SERINC5: variants seen among roughly 807,000 people sequenced by gnomAD.
The protein encoded by SERINC5 is serine incorporator 5.
A neutral mutation model predicts 63.1 loss-of-function variants in SERINC5; 41 were observed. The ratio of observed to expected loss-of-function variants is 0.65; its 90% CI spans 0.51 to 0.84. SERINC5 has a LOEUF of 0.84. Among genes scored for constraint, SERINC5 ranks in the 40% least tolerant of loss-of-function variants. SERINC5 has a pLI of 0.00. For missense variants in SERINC5, 523 were observed against 573.0 expected (o/e 0.91, Z 0.89); for synonymous variants, 222 against 215.2 (o/e 1.03, Z -0.28).
chr5:80,200,492 AC>A (rs71594664), intron 2 of SERINC5, among the ~76,000 whole-genome samples: 19 of 151,482 alleles, frequency 1.3e-4, no homozygotes, highest in African/African-American at 2.9e-4. Context: ...TCTCAAAAAA[AC>A]AAAAGAAAAG....
chr5:80,155,630 G>C (rs1244047752), intron 8 of SERINC5, among the ~76,000 whole-genome samples: 2 of 151,260 alleles, frequency 1.3e-5, no homozygotes, highest in African/African-American at 4.9e-5. Context: ...AGAATGCCAG[G>C]TGTCATGGTT....
At chr5:80,215,785 C>A (rs1368633663) in intron 1 of SERINC5, among the ~76,000 whole-genome samples, 1 of 152,156 alleles carries the variant, frequency 6.6e-6, no homozygotes, top group Non-Finnish European at 1.5e-5. Flanking sequence ...GTATCTCCAG[C>A]CACCAGAACC....
intron 1 of SERINC5, among the ~76,000 whole-genome samples, chr5:80,232,227 AC>A (rs567908298): frequency 2.9e-4 from 42 of 145,070 alleles, no homozygotes; most frequent in Admixed American, 9.0e-4. Context: ...ACACCGTAAA[AC>A]CCTGTCTCTA....
intron 9 of SERINC5, among the ~76,000 whole-genome samples, chr5:80,149,017 A>G (rs76581218): frequency 1.3e-5 from 2 of 152,338 alleles, no homozygotes; most frequent in East Asian, 3.9e-4. Context: ...AAGTTACCAT[A>G]AGAAACTATG....
intron 11 of SERINC5, among the ~76,000 whole-genome samples, chr5:80,117,370 T>A (rs1311868660): frequency 6.6e-6 from 1 of 152,022 alleles, no homozygotes; most frequent in African/African-American, 2.4e-5. Flanking sequence ...TTAACTGAGG[T>A]GATCTAGGCA....
chr5:80,232,128 G>GC, intron 1 of SERINC5, among the ~76,000 whole-genome samples: 1 of 149,504 alleles, frequency 6.7e-6, no homozygotes, highest in African/African-American at 2.5e-5. Flanking sequence ...AAAAAGGCCG[G>GC]GCAAGGTGGC....
chr5:80,190,525 A>G (rs1749117062), intron 2 of SERINC5, among the ~76,000 whole-genome samples: 1 of 152,202 alleles, frequency 6.6e-6, no homozygotes, highest in African/African-American at 2.4e-5. Flanking sequence ...ATTCCCAACT[A>G]CTATGTGCAG....
intron 8 of SERINC5, among the ~76,000 whole-genome samples, chr5:80,155,345 A>G (rs1746449588): frequency 6.6e-6 from 1 of 152,172 alleles, no homozygotes; most frequent in Non-Finnish European, 1.5e-5. Flanking sequence ...CGGGCGGATC[A>G]CCTGAGGTTG....
At chr5:80,217,019 CAAATAAAAT>C in intron 1 of SERINC5, among the ~76,000 whole-genome samples, 1 of 151,918 alleles carries the variant, frequency 6.6e-6, no homozygotes, top group Non-Finnish European at 1.5e-5. Context: ...TCTAAAAAAA[CAAATAAAAT>C]AAAATACAGT....
chr5:80,140,555 G>T lies in SERINC5; in HGVS notation c.*3108C>A. The T allele has an allele frequency of 1.0e-6, 1 of 980,992 alleles. No homozygotes were observed. Among genetic ancestry groups the T allele is most frequent in the Non-Finnish European group, 1.2e-6 (1 of 829,068 alleles). 60.8% of individuals were successfully genotyped at this position (980,992 alleles called of 1,614,324 possible). Reference sequence around the variant, plus strand: ...AAATAATTTCTTTTTCAGACAAAATGAAGAACCTTTTTGCCCAAGAAACTG... The same window carrying T: ...AAATAATTTCTTTTTCAGACAAAATTAAGAACCTTTTTGCCCAAGAAACTG... On this transcript the variant is annotated 3_prime_UTR_variant, in exon 12 of 12. Coordinates refer to ENST00000507668, the MANE Select transcript of SERINC5 (RefSeq NM_001174072.3).
chr5:80,198,678 C>T, intron 2 of SERINC5: 1 of 985,396 alleles, frequency 1.0e-6, no homozygotes, highest in Non-Finnish European at 1.2e-6. Context: ...TACAAGGGGA[C>T]CTTTCAACAC....
At chr5:80,231,247 G>A (rs1751428021) in intron 1 of SERINC5, among the ~76,000 whole-genome samples, 1 of 152,186 alleles carries the variant, frequency 6.6e-6, no homozygotes, top group Non-Finnish European at 1.5e-5. Context: ...CTTAGTAAAT[G>A]AAAATATTAA....
intron 1 of SERINC5, 120 bp downstream of exon 1, chr5:80,255,776 C>T: frequency 9.3e-7 from 1 of 1,070,942 alleles, no homozygotes; most frequent in Non-Finnish European, 1.4e-6. Context: ...CCGAGCGACC[C>T]ACCCGGGCCC....
At chr5:80,217,842 T>C (rs892961235) in intron 1 of SERINC5, among the ~76,000 whole-genome samples, 1 of 152,160 alleles carries the variant, frequency 6.6e-6, no homozygotes, top group Non-Finnish European at 1.5e-5. Flanking sequence ...CCAGTCCTCC[T>C]ATTTTCCTGA....
chr5:80,136,285 A>C (rs200920845), downstream of SERINC5, among the ~76,000 whole-genome samples: 1 of 76,720 alleles, frequency 1.3e-5, no homozygotes, highest in African/African-American at 7.1e-5. Flanking sequence ...TCAAAAAAAC[A>C]AAAAAAAATG....
At chr5:80,222,553 A>AGTATGTGAGTGAGT (rs550308144) in intron 1 of SERINC5, among the ~76,000 whole-genome samples, 7 of 139,012 alleles carry the variant, frequency 5.0e-5, no homozygotes, top group Non-Finnish European at 9.9e-5. Flanking sequence ...TTTGTGGGTG[A>AGTATGTGAGTGAGT]GTGTGTGAGT....
At chr5:80,145,721 C>A (rs1278785465) in intron 11 of SERINC5, among the ~76,000 whole-genome samples, 2 of 152,112 alleles carry the variant, frequency 1.3e-5, no homozygotes, top group Non-Finnish European at 2.9e-5. Flanking sequence ...TTAAAACATA[C>A]CCATCCACTG....
At chr5:80,186,817 T>C (rs564084020) in intron 2 of SERINC5, among the ~76,000 whole-genome samples, 21 of 152,166 alleles carry the variant, frequency 1.4e-4, no homozygotes, top group African/African-American at 3.1e-4. Context: ...GGAGAGGAAG[T>C]AGGTGAAAGT....
chr5:80,112,648 C>G (rs145814532), intron 12 of SERINC5, among the ~76,000 whole-genome samples: 1 of 151,998 alleles, frequency 6.6e-6, no homozygotes, highest in Non-Finnish European at 1.5e-5. Context: ...GCAAACCACC[C>G]CTTCATGTGA....
Sources: allele counts gnomAD v4.1 joint callset (sites outside exome capture counted in the v4.1 genomes callset), GRCh38; gene constraint gnomAD v4.1.1; transcripts MANE v1.5; gene names NCBI Gene and HGNC (gene_info 2026-07-23, HGNC 2026-07-21).